TMEM181: variants seen among roughly 807,000 people sequenced by gnomAD.
TMEM181 encodes the protein G protein-coupled receptor 178.
Under a neutral mutation model 71.9 loss-of-function variants are expected in TMEM181, and 39 were observed. The ratio of observed to expected loss-of-function variants is 0.54; its 90% CI spans 0.42 to 0.71. The LOEUF (loss-of-function observed/expected upper bound fraction) is 0.71, where lower values mean the gene tolerates loss of function less well. TMEM181 is among the 30% of genes least tolerant of loss of function. TMEM181 has a pLI of 0.00. For missense variants in TMEM181, 595 were observed against 583.0 expected (o/e 1.02, Z -0.21); for synonymous variants, 245 against 228.8 (o/e 1.07, Z -0.64).
intron 1 of TMEM181, among the ~76,000 whole-genome samples, chr6:158,561,052 A>C (rs1472640042): frequency 3.9e-5 from 6 of 152,088 alleles, no homozygotes; most frequent in Non-Finnish European, 2.9e-5. Flanking sequence ...CTGGCGCAGG[A>C]GGCTTCCAGG....
intron 1 of TMEM181, among the ~76,000 whole-genome samples, chr6:158,565,349 C>T (rs1458465628): frequency 1.3e-5 from 2 of 152,098 alleles, no homozygotes; most frequent in African/African-American, 2.4e-5. Flanking sequence ...GCCGTGGTCC[C>T]GAGGTGCTCA....
At chr6:158,626,369 C>G in intron 13 of TMEM181, 2 of 456,566 alleles carry the variant, frequency 4.4e-6, no homozygotes, top group Admixed American at 4.7e-5. Context: ...TATGGTTTGT[C>G]TGTTTCTCCT....
chr6:158,627,461 C>T (rs1017944380), intron 13 of TMEM181, among the ~76,000 whole-genome samples: 4 of 152,172 alleles, frequency 2.6e-5, no homozygotes, highest in Admixed American at 6.5e-5. Flanking sequence ...ATGCTGCAGA[C>T]GAAACAAGGA....
upstream of TMEM181, among the ~76,000 whole-genome samples, chr6:158,559,731 C>T (rs2128284146): frequency 6.6e-6 from 1 of 152,322 alleles, no homozygotes; most frequent in East Asian, 1.9e-4. Flanking sequence ...GCTATAGCTC[C>T]TCTCCCTAGA....
At chr6:158,602,684 C>T (rs186966538) in intron 6 of TMEM181, among the ~76,000 whole-genome samples, 337 of 152,032 alleles carry the variant, frequency 2.2e-3, no homozygotes, top group African/African-American at 7.7e-3. Flanking sequence ...GATCATGGCT[C>T]ACTGACCCTG....
rs1393593574 is a variant in TMEM181, at chr6:158,631,836, A to G, written c.1376A>G (p.Gln459Arg). Residue 459 changes from glutamine to arginine, a missense_variant, in exon 17 of 17, where the codon CAG becomes CGG. Gln to Arg is a conservative substitution (Grantham distance 43). Coordinates refer to ENST00000684151, the MANE Select transcript of TMEM181 (RefSeq NM_001376852.1). ...YGSDYEEMPL[Q>R]NGQAIRAKYK... is the part of the protein sequence containing the mutation. Reference sequence around the variant, plus strand: ...AGTGACTATGAGGAAATGCCGCTGCAGAACGGCCAGGCCATCCGGGCCAAG... The same window carrying G: ...AGTGACTATGAGGAAATGCCGCTGCGGAACGGCCAGGCCATCCGGGCCAAG... The G allele has an allele frequency of 2.5e-6, 4 of 1,601,854 alleles. No homozygotes were observed. The highest frequency in any genetic ancestry group is 1.3e-5 in the African/African-American group (1 of 74,754).
chr6:158,567,790 G>C (rs1318769331), intron 1 of TMEM181, among the ~76,000 whole-genome samples: 1 of 152,218 alleles, frequency 6.6e-6, no homozygotes, highest in Non-Finnish European at 1.5e-5. Flanking sequence ...TCATCTGAAA[G>C]GGGTTGCAGT....
At chr6:158,587,076 A>G (rs1463695576) in intron 5 of TMEM181, among the ~76,000 whole-genome samples, 1 of 152,190 alleles carries the variant, frequency 6.6e-6, no homozygotes, top group Non-Finnish European at 1.5e-5. Flanking sequence ...TTGAGGCTCA[A>G]TGGACCATTA....
intron 3 of TMEM181, 31 bp from the exon 4 acceptor site, chr6:158,583,923 C>T (rs1783614465): frequency 6.5e-7 from 1 of 1,544,090 alleles, no homozygotes. Flanking sequence ...ATGAAAAGGT[C>T]ACATGGATTA....
At chr6:158,538,304 C>CTGT (rs1404281924) in intron 1 of TMEM181, among the ~76,000 whole-genome samples, 2 of 151,962 alleles carry the variant, frequency 1.3e-5, no homozygotes, top group African/African-American at 4.8e-5. Context: ...GACCACAGGC[C>CTGT]TGTGCCCCAT....
chr6:158,613,466 TA>T (rs1410946660), intron 10 of TMEM181, among the ~76,000 whole-genome samples: 1 of 152,224 alleles, frequency 6.6e-6, no homozygotes, highest in Non-Finnish European at 1.5e-5. Flanking sequence ...TTTGTACCAT[TA>T]AATACCTATG....
At chr6:158,548,303 A>G (rs1337734467) in intron 1 of TMEM181, among the ~76,000 whole-genome samples, 1 of 152,212 alleles carries the variant, frequency 6.6e-6, no homozygotes, top group Non-Finnish European at 1.5e-5. Context: ...TACCACTCCC[A>G]GTAAAATTGA....
intron 2 of TMEM181, among the ~76,000 whole-genome samples, chr6:158,577,082 A>C (rs901382867): frequency 3.5e-5 from 5 of 143,776 alleles, no homozygotes; most frequent in Admixed American, 7.0e-5. Flanking sequence ...AAAAAAAAAA[A>C]GTCACAAGGC....
At chr6:158,631,700 G>T in intron 16 of TMEM181, 110 bp from the exon 17 acceptor site, 1 of 1,276,160 alleles carries the variant, frequency 7.8e-7, no homozygotes, top group Non-Finnish European at 1.1e-6. Flanking sequence ...ATAGAAAATT[G>T]AAAGAGCGAA....
chr6:158,620,564 C>T lies in TMEM181; in HGVS notation c.897-2986C>T, dbSNP rs1000091114. Reference sequence around the variant, plus strand: ...AAGGGTTAGGGAGCGAAATACCCATCGCTGGTGGTTGGAGGTGGATTCCTG... The same window carrying T: ...AAGGGTTAGGGAGCGAAATACCCATTGCTGGTGGTTGGAGGTGGATTCCTG... On this transcript the variant is annotated intron_variant, in intron 10 of 16. Transcript: ENST00000684151. This position sits in a 1 kb window ranked among gnomAD's most constrained non-coding sequence, Gnocchi z 4.5. Among the ~76,000 whole-genome samples, 3 of 152,194 alleles carry T rather than the reference C, an allele frequency of 2.0e-5. No individual in the cohort carries two copies. Among genetic ancestry groups the T allele is most frequent in the African/African-American group, 4.8e-5 (2 of 41,444 alleles).
At chr6:158,630,205 G>A (rs970959888) in intron 15 of TMEM181, among the ~76,000 whole-genome samples, 2 of 152,188 alleles carry the variant, frequency 1.3e-5, no homozygotes, top group Admixed American at 1.3e-4. Flanking sequence ...TCATGAGAGA[G>A]TCACCATTTA....
intron 7 of TMEM181, among the ~76,000 whole-genome samples, chr6:158,606,813 G>T (rs796680770): frequency 2.0e-5 from 3 of 152,312 alleles, no homozygotes; most frequent in African/African-American, 7.2e-5. Flanking sequence ...CAGTTGCGCT[G>T]CCGGGAACAT....
chr6:158,537,561 G>C (rs1468601299), intron 1 of TMEM181, among the ~76,000 whole-genome samples: 2 of 152,074 alleles, frequency 1.3e-5, no homozygotes, highest in Non-Finnish European at 2.9e-5. Flanking sequence ...TCTGCAGTTC[G>C]GAGGGGAAGG....
At chr6:158,569,099 C>G (rs1360574741) in intron 1 of TMEM181, among the ~76,000 whole-genome samples, 2 of 152,250 alleles carry the variant, frequency 1.3e-5, no homozygotes, top group Non-Finnish European at 2.9e-5. Flanking sequence ...CCTCAGCCTC[C>G]AGAGCTGCTG....
Sources: gnomAD v4.1 joint callset for allele counts (sites outside exome capture counted in the v4.1 genomes callset) on GRCh38, gnomAD v4.1.1 for gene constraint, Gnocchi (gnomAD v3.1) non-coding constraint, MANE v1.5 for transcripts, NCBI Gene and HGNC (gene_info 2026-07-23, HGNC 2026-07-21) for gene names.